The following CSMD2 variants were observed in gnomAD, a reference collection of about 807,000 sequenced individuals.
The protein encoded by CSMD2 is CUB and sushi domain-containing protein 2.
CSMD2 carries 130 observed loss-of-function variants against 398.5 expected under a neutral mutation model. The observed-to-expected ratio is 0.33, with a 90% CI of 0.28 to 0.38. The LOEUF is 0.38. Ranked by LOEUF, CSMD2 falls within the 10% of genes least tolerant of loss-of-function variation. The pLI is 1.00. For synonymous variants in CSMD2, 1,828 were observed against 1,908.5 expected, an observed-to-expected ratio of 0.96 and a Z score of 1.10; for missense variants, 3,829 against 4,764.9, an observed-to-expected ratio of 0.80 and a Z score of 5.78.
At chr1:33,623,606 C>A in intron 35 of CSMD2, 140 bp from the exon 36 acceptor site, 5 of 621,936 alleles carry the variant, frequency 8.0e-6, no homozygotes, top group Non-Finnish European at 1.1e-5. Flanking sequence ...TAGTCCCTTT[C>A]AATAAAAGTA....
intron 3 of CSMD2, among the ~76,000 whole-genome samples, chr1:33,980,284 C>T (rs1209831111): frequency 1.3e-5 from 2 of 152,084 alleles, no homozygotes; most frequent in African/African-American, 4.8e-5. Flanking sequence ...GCCTCAGGAC[C>T]ACTGGCTCCT....
intron 14 of CSMD2, among the ~76,000 whole-genome samples, chr1:33,740,548 A>C (rs1364918825): frequency 1.3e-5 from 2 of 152,158 alleles, no homozygotes; most frequent in African/African-American, 4.8e-5. Context: ...GAGGTAAGGG[A>C]GCCTCTGATG....
At chr1:34,147,015 T>C (rs1483435553) in intron 1 of CSMD2, among the ~76,000 whole-genome samples, 2 of 152,114 alleles carry the variant, frequency 1.3e-5, no homozygotes, top group African/African-American at 4.8e-5. Flanking sequence ...CCCACCACTT[T>C]GGGAGGCCGA....
chr1:33,755,633 C>T (rs1648877467), intron 13 of CSMD2, among the ~76,000 whole-genome samples: 1 of 152,052 alleles, frequency 6.6e-6, no homozygotes, highest in South Asian at 2.1e-4. Flanking sequence ...ATAAATTGTG[C>T]CCAAGTTATT....
At chr1:33,985,926 A>G (rs1646343988) in intron 3 of CSMD2, among the ~76,000 whole-genome samples, 1 of 152,148 alleles carries the variant, frequency 6.6e-6, no homozygotes, top group South Asian at 2.1e-4. Flanking sequence ...TGGTGGAAGG[A>G]GCAGTCACTC....
chr1:33,908,660 G>C (rs1048716701), intron 5 of CSMD2, among the ~76,000 whole-genome samples: 1 of 152,228 alleles, frequency 6.6e-6, no homozygotes, highest in Non-Finnish European at 1.5e-5. Flanking sequence ...TCCCAGCTGT[G>C]ACTTTTGTTC....
At chr1:33,645,344 T>TACACACACACACAC (rs4044501) in intron 29 of CSMD2, among the ~76,000 whole-genome samples, 1 of 136,272 alleles carries the variant, frequency 7.3e-6, no homozygotes, top group Non-Finnish European at 1.6e-5. Context: ...TGGAGCATTA[T>TACACACACACACAC]ACACACACAC....
chr1:33,684,888 T>G (rs1002207865), intron 25 of CSMD2, among the ~76,000 whole-genome samples: 23 of 152,340 alleles, frequency 1.5e-4, no homozygotes, highest in African/African-American at 5.5e-4. Context: ...ATTCATCACA[T>G]TATCTTAGAA....
intron 44 of CSMD2, chr1:33,592,445 T>C (rs1168543017): frequency 1.4e-6 from 1 of 716,494 alleles, no homozygotes; most frequent in Non-Finnish European, 2.6e-6. Context: ...GGGGCAGATG[T>C]GTGCGTGGAG....
chr1:33,736,276 T>C (rs1416738310), intron 15 of CSMD2, among the ~76,000 whole-genome samples: 4 of 152,052 alleles, frequency 2.6e-5, no homozygotes, highest in Non-Finnish European at 5.9e-5. Context: ...GGTCAGGAGA[T>C]CAAGACCATC....
chr1:34,154,712 T>C (rs1396389714), intron 1 of CSMD2, among the ~76,000 whole-genome samples: 1 of 146,682 alleles, frequency 6.8e-6, no homozygotes, highest in Non-Finnish European at 1.5e-5. Context: ...CCTACACATT[T>C]TATAAGGATC....
rs370791299 is a variant in CSMD2, at chr1:33,874,185, T to C, written c.921-27189A>G. 5.9e-5 allele frequency among the ~76,000 whole-genome samples: 9 copies of C among 152,212 alleles called. No individual in the cohort carries two copies. The East Asian group carries it at 9.6e-4, about 16-fold the overall frequency. On this transcript the variant is annotated intron_variant, in intron 5 of 70. Transcript: ENST00000373381. Reference sequence around the variant, plus strand: ...GTGCTCTAAAATTTAACACAATGCGTCACATGGAGTAGAATGATAATAGCA... The same window carrying C: ...GTGCTCTAAAATTTAACACAATGCGCCACATGGAGTAGAATGATAATAGCA...
At chr1:34,151,590 A>G (rs1179196791) in intron 1 of CSMD2, among the ~76,000 whole-genome samples, 3 of 152,102 alleles carry the variant, frequency 2.0e-5, no homozygotes, top group East Asian at 3.9e-4. Context: ...AGGAAAAGAC[A>G]TAAGTGGAGG....
chr1:34,092,083 CA>C, intron 1 of CSMD2, among the ~76,000 whole-genome samples: 1 of 151,922 alleles, frequency 6.6e-6, no homozygotes, highest in East Asian at 1.9e-4. Flanking sequence ...ATGTCAATGA[CA>C]GATAAAAATA....
At chr1:33,582,978 C>T (rs1638833533) in intron 47 of CSMD2, among the ~76,000 whole-genome samples, 1 of 152,172 alleles carries the variant, frequency 6.6e-6, no homozygotes, top group South Asian at 2.1e-4. Context: ...CATGGTTTCC[C>T]CCAGAGCTAT....
At chr1:33,864,738 G>T in intron 5 of CSMD2, 1 of 1,609,624 alleles carries the variant, frequency 6.2e-7, no homozygotes, top group Non-Finnish European at 8.5e-7. Flanking sequence ...AGGGAAAAGA[G>T]TCAGGCAGAG....
In CSMD2 at chr1:33,906,451, C is replaced by T. The variant is rs185186836; in HGVS notation, c.920+11643G>A. 5.6e-4 allele frequency among the ~76,000 whole-genome samples: 86 copies of T among 152,272 alleles called. 1 individual carries two copies. The highest frequency in any genetic ancestry group is 5.0e-3 in the East Asian group (26 of 5,176). On this transcript the variant is annotated intron_variant, in intron 5 of 70. Transcript: ENST00000373381. ...TGGGAGATCAGTAAGGAGGCTATTA[C>T]ATCCCTCAAAGAAGAAAAGATGATG...
chr1:33,562,929 G>T (rs1658708591), intron 53 of CSMD2, among the ~76,000 whole-genome samples: 1 of 152,182 alleles, frequency 6.6e-6, no homozygotes, highest in African/African-American at 2.4e-5. Context: ...CTCCACAATT[G>T]TGTGAGCCAG....
At chr1:33,592,129 G>C in intron 44 of CSMD2, 1 of 459,868 alleles carries the variant, frequency 2.2e-6, no homozygotes, top group Non-Finnish European at 4.0e-6. Context: ...AGAACCCAAG[G>C]GTGGGTTTGC....
Sources: gnomAD v4.1 joint callset for allele counts (sites outside exome capture counted in the v4.1 genomes callset) on GRCh38, gnomAD v4.1.1 for gene constraint, MANE v1.5 for transcripts, NCBI Gene and HGNC (gene_info 2026-07-23, HGNC 2026-07-21) for gene names.